Variants in SLC9A8 observed in about 807,000 individuals in gnomAD.
SLC9A8 encodes sodium/hydrogen exchanger 8.
In SLC9A8, 48 loss-of-function variants were observed where a neutral mutation model predicts 66.6. The ratio of observed to expected loss-of-function variants is 0.72; its 90% CI spans 0.57 to 0.92. The LOEUF is 0.92. Among genes scored for constraint, SLC9A8 ranks in the 40% least tolerant of loss-of-function variants. The pLI is 0.00. For synonymous variants in SLC9A8, 274 were observed against 282.6 expected (o/e 0.97, Z 0.31); for missense variants, 599 against 747.3 (o/e 0.80, Z 2.31).
At chr20:49,841,823 G>C (rs569954983) in intron 4 of SLC9A8, among the ~76,000 whole-genome samples, 53 of 152,004 alleles carry the variant, frequency 3.5e-4, no homozygotes, top group African/African-American at 1.2e-3. Context: ...TCGAACTCCT[G>C]ACCTCAAGTA....
rs1378540914 is a variant in SLC9A8 at position 49,883,008 on chromosome 20, AC to A, written c.1271-832del. On this transcript the variant is annotated intron_variant, in intron 13 of 15. Transcript: ENST00000361573. ...TGCTGTCTGCACCATGCCCCCCCCC[AC>A]CCCCCACCCCCCTCCCCCCACCATC... is the stretch of plus-strand genomic sequence containing the variant. Among the ~76,000 whole-genome samples the A allele has an allele frequency of 2.1e-4, 13 of 62,412 alleles. No homozygotes were observed. The South Asian group carries it at 5.5e-3, about 26-fold the overall frequency. The allele number at this position is 62,412 out of a possible 152,430, so 40.9% of individuals were successfully genotyped here.
rs999537710 is a variant in SLC9A8 at position 49,889,377 on chromosome 20, A to T, written c.*1441A>T. On this transcript the variant is annotated 3_prime_UTR_variant, in exon 16 of 16. Coordinates refer to ENST00000361573, the MANE Select transcript of SLC9A8 (RefSeq NM_015266.3). Reference sequence around the variant, plus strand: ...TGTGCATTCCTGCTTCTCTGGGGACACAGTGGGCCCACATGGGCCAGCATG... The same window carrying T: ...TGTGCATTCCTGCTTCTCTGGGGACTCAGTGGGCCCACATGGGCCAGCATG... 1 of 152,246 alleles carries T rather than the reference A, an allele frequency of 6.6e-6. No individual in the cohort carries two copies. Among genetic ancestry groups the T allele is most frequent in the East Asian group, 1.9e-4 (1 of 5,186 alleles). 9.4% of individuals were successfully genotyped at this position (152,246 alleles called of 1,614,324 possible). A position where few individuals can be genotyped will look rare whatever the true frequency, so the allele number is the denominator to read the frequency against.
At chr20:49,887,381 T>TGCCG (rs2089929081) in intron 15 of SLC9A8, among the ~76,000 whole-genome samples, 1 of 152,148 alleles carries the variant, frequency 6.6e-6, no homozygotes, top group African/African-American at 2.4e-5. Flanking sequence ...GCCTGAGAGC[T>TGCCG]GCCGGTGTGT....
chr20:49,866,406 G>A (rs2088969938), intron 10 of SLC9A8, among the ~76,000 whole-genome samples: 1 of 152,186 alleles, frequency 6.6e-6, no homozygotes, highest in East Asian at 1.9e-4. Flanking sequence ...TAGGTCATAT[G>A]GTAAGTACAT....
chr20:49,838,334 C>T (rs975223281), intron 3 of SLC9A8, among the ~76,000 whole-genome samples: 1 of 152,150 alleles, frequency 6.6e-6, no homozygotes, highest in African/African-American at 2.4e-5. Context: ...AAAATAAGAA[C>T]ATGGGAGCTG....
At chr20:49,839,922 T>G (rs1227064539) in intron 4 of SLC9A8, among the ~76,000 whole-genome samples, 1 of 152,200 alleles carries the variant, frequency 6.6e-6, no homozygotes, top group African/African-American at 2.4e-5. Context: ...TACTGTTTAT[T>G]GCTCCCAATT....
At chr20:49,834,223 A>ACC in intron 3 of SLC9A8, among the ~76,000 whole-genome samples, 1 of 138,762 alleles carries the variant, frequency 7.2e-6, no homozygotes, top group African/African-American at 2.7e-5. Context: ...ATACACACAC[A>ACC]CACTATGTAT....
chr20:49,834,167 CTCTCTCTCTCTCTCTCTCTATATATA>C (rs1288636082), intron 3 of SLC9A8, among the ~76,000 whole-genome samples: 10 of 57,766 alleles, frequency 1.7e-4, no homozygotes, highest in Non-Finnish European at 3.2e-4. Flanking sequence ...CTCTCTCTCT[CTCTCTCTCTCTCTCTCTCTATATATA>C]TATATATATA....
intron 14 of SLC9A8, among the ~76,000 whole-genome samples, chr20:49,884,940 T>C (rs1157077166): frequency 6.6e-6 from 1 of 152,238 alleles, no homozygotes; most frequent in African/African-American, 2.4e-5. Context: ...TGCATCTCTT[T>C]CTAGTTCCCG....
intron 1 of SLC9A8, among the ~76,000 whole-genome samples, chr20:49,813,793 C>T (rs774244811): frequency 4.6e-5 from 7 of 152,186 alleles, no homozygotes; most frequent in Non-Finnish European, 1.0e-4. Context: ...TTCAAAAGGC[C>T]TGGCTCAAGA....
chr20:49,868,842 C>A (rs2089080143), intron 10 of SLC9A8, among the ~76,000 whole-genome samples: 1 of 152,210 alleles, frequency 6.6e-6, no homozygotes. Context: ...GGCCAGAAGT[C>A]CTGGTTTGCC....
rs1268318970 is a variant in SLC9A8 at position 49,834,173 on chromosome 20, CTCTCTCTCTCTCTATATA to C, written c.290-5366_290-5349del. ...TCTCTCTCTCTCTCTCTCTCTCTCT[CTCTCTCTCTCTCTATATA>C]TATATATATATATATATATATATAC... On this transcript the variant is annotated intron_variant, in intron 3 of 15. Coordinates refer to ENST00000361573, the MANE Select transcript of SLC9A8 (RefSeq NM_015266.3). Among the ~76,000 whole-genome samples, 141 of 59,576 alleles carry C rather than the reference CTCTCTCTCTCTCTATATA, an allele frequency of 2.4e-3. 2 individuals are homozygous for C. Among genetic ancestry groups the C allele is most frequent in the African/African-American group, 7.0e-3 (102 of 14,618 alleles). 39.1% of individuals were successfully genotyped at this position (59,576 alleles called of 152,430 possible).
At chr20:49,879,782 G>A (rs892794123) in intron 12 of SLC9A8, among the ~76,000 whole-genome samples, 4 of 142,276 alleles carry the variant, frequency 2.8e-5, no homozygotes, top group Non-Finnish European at 4.5e-5. Context: ...CCAAGATCAC[G>A]CCACAGCACT....
chr20:49,848,549 G>A lies in SLC9A8; in HGVS notation c.433-1030G>A, dbSNP rs569797017. Among the ~76,000 whole-genome samples, 9 of 152,234 alleles carry A rather than the reference G, an allele frequency of 5.9e-5. No individual in the cohort carries two copies. The South Asian group carries it at 1.9e-3, about 32-fold the overall frequency. On this transcript the variant is annotated intron_variant, in intron 5 of 15. Transcript: ENST00000361573. The stretch of plus-strand genomic sequence containing the variant: ...ATTCTTGTTCACAACCACAATCGGG[G>A]GTGATCAAAGACTCTTGGTAGCTCC...
rs1053248236 is a variant in SLC9A8, at chr20:49,891,387, C to G, written c.*3451C>G. 3.9e-5 allele frequency: 6 copies of G among 152,214 alleles called. No homozygotes were observed. Among genetic ancestry groups the G allele is most frequent in the African/African-American group, 1.4e-4 (6 of 41,408 alleles). 9.4% of individuals were successfully genotyped at this position (152,214 alleles called of 1,614,324 possible). Reference sequence around the variant, plus strand: ...TCTAACGCCCTCCATTTCACGCCCTCCATCTCACAGTCAAGATAAAGGCCT... The same window carrying G: ...TCTAACGCCCTCCATTTCACGCCCTGCATCTCACAGTCAAGATAAAGGCCT... On this transcript the variant is annotated 3_prime_UTR_variant, in exon 16 of 16. Transcript: ENST00000361573.
chr20:49,830,499 G>C, intron 3 of SLC9A8: 2 of 767,664 alleles, frequency 2.6e-6, no homozygotes, highest in Non-Finnish European at 4.6e-6. Context: ...GTGCTACGTG[G>C]ACATGTCAAC....
intron 4 of SLC9A8, among the ~76,000 whole-genome samples, chr20:49,842,714 G>GA: frequency 6.6e-6 from 1 of 152,318 alleles, no homozygotes; most frequent in Non-Finnish European, 1.5e-5. Flanking sequence ...CTATTTCCCT[G>GA]AAAGGCAGTG....
At chr20:49,824,482 C>T (rs1219992262) in intron 3 of SLC9A8, among the ~76,000 whole-genome samples, 1 of 152,194 alleles carries the variant, frequency 6.6e-6, no homozygotes, top group East Asian at 1.9e-4. Context: ...AAGGAATTTA[C>T]AGTTGTGTGG....
chr20:49,865,495 G>A (rs1426480668), intron 10 of SLC9A8, among the ~76,000 whole-genome samples: 1 of 152,188 alleles, frequency 6.6e-6, no homozygotes, highest in African/African-American at 2.4e-5. Context: ...AAGCAGTGGT[G>A]GTAGTGAGAT....
Sources: gnomAD v4.1 joint callset for allele counts (sites outside exome capture counted in the v4.1 genomes callset) on GRCh38, gnomAD v4.1.1 for gene constraint, MANE v1.5 for transcripts, NCBI Gene and HGNC (gene_info 2026-07-23, HGNC 2026-07-21) for gene names.